PPP2R2B: variants seen among roughly 807,000 people sequenced by gnomAD.
PPP2R2B encodes the protein protein phosphatase 2 regulatory subunit Bbeta.
A neutral mutation model predicts 46.0 loss-of-function variants in PPP2R2B; 5 were observed. The observed-to-expected ratio is 0.11, with a 90% CI of 0.06 to 0.23. The LOEUF (loss-of-function observed/expected upper bound fraction) is 0.23. Among genes scored for constraint, PPP2R2B ranks in the 10% least tolerant of loss-of-function variants. PPP2R2B has a pLI of 1.00. For synonymous variants in PPP2R2B, 215 were observed against 206.7 expected, an observed-to-expected ratio of 1.04 and a Z score of -0.34; for missense variants, 367 against 575.0, an observed-to-expected ratio of 0.64 and a Z score of 3.70.
At chr5:146,629,322 C>G (rs930988316) in intron 7 of PPP2R2B, among the ~76,000 whole-genome samples, 1 of 152,180 alleles carries the variant, frequency 6.6e-6, no homozygotes, top group Middle Eastern at 3.2e-3. Flanking sequence ...AACTCAAGCA[C>G]CAAACCTACG....
intron 1 of PPP2R2B, among the ~76,000 whole-genome samples, chr5:146,960,913 C>A (rs1752142418): frequency 6.6e-6 from 1 of 152,072 alleles, no homozygotes; most frequent in South Asian, 2.1e-4. Context: ...CAATGTATGC[C>A]TATTGTAAAA....
intron 2 of PPP2R2B, among the ~76,000 whole-genome samples, chr5:146,800,005 G>A (rs1046406063): frequency 3.9e-5 from 6 of 152,006 alleles, no homozygotes; most frequent in South Asian, 2.1e-4. Context: ...TGCTCAACAC[G>A]ATAGTTCATT....
At chr5:147,017,519 A>G (rs1755062080) in intron 1 of PPP2R2B, among the ~76,000 whole-genome samples, 1 of 151,558 alleles carries the variant, frequency 6.6e-6, no homozygotes, top group Admixed American at 6.6e-5. Flanking sequence ...TAGAGAACAG[A>G]ATTCTGGTGA....
intron 2 of PPP2R2B, among the ~76,000 whole-genome samples, chr5:146,728,171 A>G (rs1422383474): frequency 1.5e-5 from 2 of 136,840 alleles, no homozygotes; most frequent in Non-Finnish European, 3.1e-5. Flanking sequence ...TTCAGATGCA[A>G]TGATTTCCCA....
At chr5:146,980,037 T>C (rs532069860) in intron 1 of PPP2R2B, among the ~76,000 whole-genome samples, 1 of 152,326 alleles carries the variant, frequency 6.6e-6, no homozygotes, top group South Asian at 2.1e-4. Context: ...ATCCACAAAA[T>C]TGAATTTAAT....
At position 146,588,884 on chromosome 5, in the gene PPP2R2B, G is replaced by C. The variant is rs1770317325; in HGVS notation, c.*1063C>G. On this transcript the variant is annotated 3_prime_UTR_variant, in exon 10 of 10. Transcript: ENST00000394411. ...GTTTTTATTGGCTATTTTTGTTCTAGGTACAATGGAGGTTGATGGATTGTT... is the reference window on the plus strand; with the variant it reads ...GTTTTTATTGGCTATTTTTGTTCTACGTACAATGGAGGTTGATGGATTGTT... The C allele has an allele frequency of 6.6e-6, 1 of 152,068 alleles. No homozygotes were observed. Among genetic ancestry groups the C allele is most frequent in the South Asian group, 2.1e-4 (1 of 4,812 alleles). The allele number at this position is 152,068 out of a possible 1,614,324, so 9.4% of individuals were successfully genotyped here. A position where few individuals can be genotyped will look rare whatever the true frequency, so the allele number is the denominator to read the frequency against.
intron 1 of PPP2R2B, among the ~76,000 whole-genome samples, chr5:147,022,876 A>G: frequency 6.6e-6 from 1 of 152,126 alleles, no homozygotes; most frequent in East Asian, 1.9e-4. Flanking sequence ...TATATCCCTC[A>G]AAAATGAAGG....
At chr5:147,038,663 A>C (rs1232479740) in intron 1 of PPP2R2B, among the ~76,000 whole-genome samples, 1 of 152,238 alleles carries the variant, frequency 6.6e-6, no homozygotes, top group Non-Finnish European at 1.5e-5. Flanking sequence ...ATGCTGGTCA[A>C]AACTTTATGT....
At chr5:146,683,335 A>G (rs1222810250) in intron 5 of PPP2R2B, among the ~76,000 whole-genome samples, 1 of 152,146 alleles carries the variant, frequency 6.6e-6, no homozygotes, top group Non-Finnish European at 1.5e-5. Flanking sequence ...TAGGCATTCT[A>G]TTTTAGTACA....
At chr5:146,701,275 G>C (rs1364612050) in intron 2 of PPP2R2B, 133 bp from the exon 3 acceptor site, 1 of 902,272 alleles carries the variant, frequency 1.1e-6, no homozygotes, top group Non-Finnish European at 1.9e-6. Context: ...AGGATGTTAT[G>C]TTCTGGGTTT....
intron 2 of PPP2R2B, among the ~76,000 whole-genome samples, chr5:146,827,694 T>C (rs187352483): frequency 1.1e-3 from 163 of 152,288 alleles, no homozygotes; most frequent in African/African-American, 3.7e-3. Context: ...ATATAATAAG[T>C]ATTGATAAAG....
At chr5:146,692,892 G>A (rs1048737240) in intron 4 of PPP2R2B, among the ~76,000 whole-genome samples, 26 of 152,164 alleles carry the variant, frequency 1.7e-4, no homozygotes, top group Non-Finnish European at 1.6e-4. Context: ...CTGGCCACAT[G>A]CTTTGGTGGG....
intron 1 of PPP2R2B, among the ~76,000 whole-genome samples, chr5:147,009,512 T>A (rs1754612001): frequency 6.6e-6 from 1 of 152,116 alleles, no homozygotes; most frequent in Admixed American, 6.6e-5. Flanking sequence ...TGTATACAGT[T>A]TTAAAAATAA....
chr5:146,640,451 C>A (rs1581772525), intron 6 of PPP2R2B, among the ~76,000 whole-genome samples: 1 of 152,238 alleles, frequency 6.6e-6, no homozygotes. Flanking sequence ...GGCTGCAGCT[C>A]CGGTGCTCTC....
At chr5:146,775,830 C>A (rs1460936232) in intron 2 of PPP2R2B, among the ~76,000 whole-genome samples, 1 of 152,054 alleles carries the variant, frequency 6.6e-6, no homozygotes, top group Non-Finnish European at 1.5e-5. Context: ...TTTTTATGAA[C>A]TGGCAATGAA....
chr5:147,062,346 G>A (rs1002611656), intron 2 of PPP2R2B, among the ~76,000 whole-genome samples: 5 of 152,080 alleles, frequency 3.3e-5, no homozygotes, highest in African/African-American at 1.2e-4. Flanking sequence ...GATGCATGAC[G>A]GTAGTAGTAA....
chr5:146,789,464 C>G (rs939083410), intron 2 of PPP2R2B, among the ~76,000 whole-genome samples: 1 of 152,070 alleles, frequency 6.6e-6, no homozygotes, highest in African/African-American at 2.4e-5. Context: ...ATCTCTGGAG[C>G]AGTCTCAGGT....
intron 4 of PPP2R2B, among the ~76,000 whole-genome samples, chr5:146,693,633 C>T (rs562464612): frequency 2.0e-5 from 3 of 152,270 alleles, no homozygotes; most frequent in South Asian, 4.1e-4. Context: ...ATGAGTATAT[C>T]CCATATAGTT....
chr5:146,985,604 G>A (rs11167954), intron 1 of PPP2R2B, among the ~76,000 whole-genome samples: 150,277 of 152,272 alleles, frequency 0.99, 74,178 homozygotes, highest in East Asian at 1. Flanking sequence ...ATAAGCCCAC[G>A]GCTAACATTA....
Sources: allele counts gnomAD v4.1 joint callset (sites outside exome capture counted in the v4.1 genomes callset), GRCh38; gene constraint gnomAD v4.1.1; transcripts MANE v1.5; gene names NCBI Gene and HGNC (gene_info 2026-07-23, HGNC 2026-07-21).